Variants in CCDC73 observed in about 807,000 individuals in gnomAD.
The protein encoded by CCDC73 is coiled-coil domain-containing protein 73.
A neutral mutation model predicts 116.5 loss-of-function variants in CCDC73; 95 were observed. That is an observed-to-expected ratio of 0.82 (90% confidence interval 0.69 to 0.97). The LOEUF is 0.97. Ranked by LOEUF, CCDC73 falls within the 50% of genes least tolerant of loss-of-function variation. The pLI, the probability that CCDC73 is intolerant of heterozygous loss-of-function variation, is 0.00. For synonymous variants in CCDC73, 398 were observed against 401.3 expected (o/e 0.99, Z 0.10); for missense variants, 1,066 against 1,206.8 (o/e 0.88, Z 1.73).
chr11:32,690,171 T>C (rs1470759300), intron 6 of CCDC73, among the ~76,000 whole-genome samples: 1 of 152,076 alleles, frequency 6.6e-6, no homozygotes, highest in Non-Finnish European at 1.5e-5. Context: ...ATGACTTAAA[T>C]TGTTCCCAAA....
At chr11:32,604,807 G>A (rs1377911611) in intron 17 of CCDC73, 2 of 152,178 alleles carry the variant, frequency 1.3e-5, no homozygotes, top group Non-Finnish European at 2.9e-5. Context: ...AAAGTGGCAT[G>A]TTAGTAACAT....
chr11:32,784,404 C>A (rs1187129632), intron 1 of CCDC73, among the ~76,000 whole-genome samples: 3 of 151,346 alleles, frequency 2.0e-5, no homozygotes, highest in Admixed American at 2.0e-4. Flanking sequence ...CAGAATATTA[C>A]AATAGTTCAG....
At chr11:32,679,172 G>C (rs1856121856) in intron 7 of CCDC73, among the ~76,000 whole-genome samples, 1 of 152,004 alleles carries the variant, frequency 6.6e-6, no homozygotes, top group Non-Finnish European at 1.5e-5. Context: ...GTCCTGGAGA[G>C]CTTATGCCTA....
At position 32,613,443 on chromosome 11, in the gene CCDC73, C is replaced by T. The variant is rs770621459; in HGVS notation, c.2875G>A (p.Val959Ile). The T allele has an allele frequency of 2.9e-5, 47 of 1,611,380 alleles. No homozygotes were observed. Among genetic ancestry groups the T allele is most frequent in the Non-Finnish European group, 4.0e-5 (47 of 1,178,326 alleles). Residue 959 changes from valine (V) to isoleucine (I), a missense_variant, in exon 16 of 18, where the codon GTT becomes ATT. Transcript: ENST00000335185. Reference sequence around the variant, plus strand: ...TTACCTGGTCCAATATCCTTTCCAACATCATCCACACCAATATTTTTACAA... The same window carrying T: ...TTACCTGGTCCAATATCCTTTCCAATATCATCCACACCAATATTTTTACAA... ...ALCKNIGVDD[V>I]GKDIGPDTTS...
At chr11:32,728,909 T>C (rs748420385) in intron 2 of CCDC73, among the ~76,000 whole-genome samples, 2 of 152,176 alleles carry the variant, frequency 1.3e-5, no homozygotes, top group Non-Finnish European at 2.9e-5. Flanking sequence ...TTCACCATGC[T>C]GGCCATGCTG....
intron 9 of CCDC73, among the ~76,000 whole-genome samples, chr11:32,675,156 C>T (rs1266119226): frequency 6.6e-6 from 1 of 152,110 alleles, no homozygotes; most frequent in Non-Finnish European, 1.5e-5. Context: ...ATTTGTTTTA[C>T]ATCTAACTCC....
intron 11 of CCDC73, 63 bp from the exon 12 acceptor site, chr11:32,653,290 T>C: frequency 9.8e-7 from 1 of 1,022,552 alleles, no homozygotes; most frequent in Admixed American, 2.1e-5. Flanking sequence ...CTAAAATCAT[T>C]CTTCACATAC....
At chr11:32,802,778 A>G in the CCDC73 span, among the ~76,000 whole-genome samples, 1 of 152,098 alleles carries the variant, frequency 6.6e-6, no homozygotes, top group African/African-American at 2.4e-5. Context: ...TTTGAGACAG[A>G]GTCTTGCTCT....
intron 17 of CCDC73, among the ~76,000 whole-genome samples, chr11:32,609,839 G>A (rs1471228535): frequency 1.3e-5 from 2 of 152,020 alleles, no homozygotes; most frequent in African/African-American, 4.8e-5. Flanking sequence ...GAGTGCAGTG[G>A]CGTGATCTCG....
intron 9 of CCDC73, among the ~76,000 whole-genome samples, chr11:32,666,090 A>C (rs1349569805): frequency 1.2e-4 from 19 of 152,172 alleles, no homozygotes; most frequent in Admixed American, 1.2e-3. Context: ...GCTGCCCTTA[A>C]CATTTTTTCC....
At chr11:32,788,854 C>T (rs1015968086) in intron 1 of CCDC73, among the ~76,000 whole-genome samples, 1 of 152,052 alleles carries the variant, frequency 6.6e-6, no homozygotes, top group African/African-American at 2.4e-5. Flanking sequence ...ATAGTAACAC[C>T]AGGCATAATA....
upstream of CCDC73, among the ~76,000 whole-genome samples, chr11:32,797,701 C>T (rs962792480): frequency 1.3e-5 from 2 of 152,150 alleles, no homozygotes; most frequent in Non-Finnish European, 1.5e-5. Flanking sequence ...ACTTTTAAAT[C>T]CCCAATGGCT....
intron 6 of CCDC73, among the ~76,000 whole-genome samples, chr11:32,699,005 AT>A (rs1440247215): frequency 2.6e-5 from 4 of 152,034 alleles, no homozygotes; most frequent in African/African-American, 9.6e-5. Flanking sequence ...AATGTTAAAA[AT>A]GTATCTATTT....
rs1409944433 is a variant in CCDC73 at position 32,615,946 on chromosome 11, T to C, written c.1369A>G (p.Ile457Val). 5.2e-6 allele frequency: 8 copies of C among 1,550,798 alleles called. No homozygotes were observed. The African/African-American group carries it at 6.9e-5, about 13-fold the overall frequency. ...KEGSFIEEII[I>V]DDLQLFEKSF... ...AATATAATTTTAAGGTTACCATCTA[T>C]AATTATTTCCTCTATAAATGAGCCT... Residue 457 changes from isoleucine (I) to valine (V), a missense_variant, in exon 15 of 18, where the codon ATA (isoleucine) becomes GTA (valine). By Grantham distance (29) the Ile-to-Val change is conservative. Coordinates refer to ENST00000335185, the MANE Select transcript of CCDC73 (RefSeq NM_001008391.4).
At chr11:32,645,769 C>T (rs1445498682) in intron 12 of CCDC73, among the ~76,000 whole-genome samples, 2 of 152,056 alleles carry the variant, frequency 1.3e-5, no homozygotes, top group Non-Finnish European at 2.9e-5. Context: ...TACCAACAAA[C>T]GTGTGAGTAA....
In CCDC73 at chr11:32,777,428, T is replaced by C. The variant is rs1372699280; in HGVS notation, c.-15-17170A>G. On this transcript the variant is annotated intron_variant, in intron 1 of 17. Coordinates refer to ENST00000335185, the MANE Select transcript of CCDC73 (RefSeq NM_001008391.4). ...CCATCACTGTGTAACCTTGAAGAAA[T>C]AAAAACCAGTTTTTCTAAAACTGTT... 2.6e-5 allele frequency among the ~76,000 whole-genome samples: 4 copies of C among 152,142 alleles called. No homozygotes were observed. In the East Asian group the frequency reaches 7.7e-4, roughly 29 times the overall value.
Position 32,614,016 on chromosome 11 carries a change from C to T in CCDC73, c.2302G>A (p.Glu768Lys), listed in dbSNP as rs1410317749. ...SQFNNCLGYL[E>K]NTNVNISHLH... Reference sequence around the variant, plus strand: ...TGGGAAATGTTCACATTAGTGTTTTCTAAGTATCCCAAACAGTTATTAAAT... The same window carrying T: ...TGGGAAATGTTCACATTAGTGTTTTTTAAGTATCCCAAACAGTTATTAAAT... The change falls in exon 16 of 18, where the codon GAA (glutamate) becomes AAA (lysine). Residue 768 changes from glutamate (E) to lysine (K), a missense_variant. Coordinates refer to ENST00000335185, the MANE Select transcript of CCDC73 (RefSeq NM_001008391.4). The T allele has an allele frequency of 6.2e-7, 1 of 1,611,722 alleles. No individual in the cohort carries two copies. The highest frequency in any genetic ancestry group is 1.1e-5 in the South Asian group (1 of 91,062).
the CCDC73 span, among the ~76,000 whole-genome samples, chr11:32,822,623 T>G: frequency 7.2e-5 from 11 of 152,118 alleles, no homozygotes; most frequent in South Asian, 1.9e-3. Flanking sequence ...TATTTGGCTG[T>G]TTTTTTTATT....
intron 12 of CCDC73, among the ~76,000 whole-genome samples, chr11:32,651,896 C>T (rs1855829066): frequency 6.6e-6 from 1 of 152,184 alleles, no homozygotes; most frequent in African/African-American, 2.4e-5. Context: ...CCCAGTGGAA[C>T]ATATCCCCAA....
Sources: allele counts gnomAD v4.1 joint callset (sites outside exome capture counted in the v4.1 genomes callset), GRCh38; gene constraint gnomAD v4.1.1; transcripts MANE v1.5; gene names NCBI Gene and HGNC (gene_info 2026-07-23, HGNC 2026-07-21).